The following AGPAT4 variants were observed in gnomAD, a reference collection of about 807,000 sequenced individuals.
The protein encoded by AGPAT4 is 1-acyl-sn-glycerol-3-phosphate acyltransferase delta.
AGPAT4 carries 15 observed loss-of-function variants against 48.0 expected under a neutral mutation model. The observed-to-expected ratio is 0.31, with a 90% CI of 0.21 to 0.48. The LOEUF (loss-of-function observed/expected upper bound fraction) is 0.48, where lower values mean the gene tolerates loss of function less well. Ranked by LOEUF, AGPAT4 falls within the 20% of genes least tolerant of loss-of-function variation. AGPAT4 has a pLI of 0.99. For synonymous variants in AGPAT4, 178 were observed against 198.7 expected, an observed-to-expected ratio of 0.90 and a Z score of 0.88; for missense variants, 314 against 482.5, an observed-to-expected ratio of 0.65 and a Z score of 3.27.
rs1250699825 is a variant in AGPAT4, at chr6:161,171,882, A to G, written c.179-5465T>C. Among the ~76,000 whole-genome samples, 4 of 152,200 alleles carry G rather than the reference A, an allele frequency of 2.6e-5. No homozygotes were observed. In the East Asian group the frequency reaches 7.7e-4, roughly 29 times the overall value. ...ACCACTGCACTCCAGCCTGGGTGAC[A>G]GAGCAAGACTCCATCTCAAAAACAA... is the stretch of plus-strand genomic sequence containing the variant. On this transcript the variant is annotated intron_variant, in intron 2 of 8. Coordinates refer to ENST00000320285, the MANE Select transcript of AGPAT4 (RefSeq NM_020133.3). The surrounding 1 kb of genome is among the most constrained non-coding windows in gnomAD (Gnocchi z 4.4).
intron 1 of AGPAT4, among the ~76,000 whole-genome samples, chr6:161,241,263 C>CAAAAAAAA (rs61634719): frequency 1.1e-5 from 1 of 90,500 alleles, no homozygotes; most frequent in African/African-American, 3.9e-5. Context: ...AACTCTGTCT[C>CAAAAAAAA]AAAAAAAAAA....
In AGPAT4 at chr6:161,178,871, A is replaced by C. The variant is rs983594814; in HGVS notation, c.179-12454T>G. 6.6e-6 allele frequency among the ~76,000 whole-genome samples: 1 copy of C among 152,234 alleles called. No homozygotes were observed. Among genetic ancestry groups the C allele is most frequent in the East Asian group, 1.9e-4 (1 of 5,198 alleles). ...AGTGAATGCCATCTCTCTACAAAGC[A>C]GTCACATTCGGATTCTGCTCTTGCA... On this transcript the variant is annotated intron_variant, in intron 2 of 8. Coordinates refer to ENST00000320285, the MANE Select transcript of AGPAT4 (RefSeq NM_020133.3). The surrounding 1 kb of genome is among the most constrained non-coding windows in gnomAD (Gnocchi z 5.1).
rs1362009175 is a variant in AGPAT4, at chr6:161,177,907, TG to T, written c.179-11491del. 1.1e-4 allele frequency among the ~76,000 whole-genome samples: 17 copies of T among 152,226 alleles called. No homozygotes were observed. Among genetic ancestry groups the T allele is most frequent in the African/African-American group, 3.9e-4 (16 of 41,456 alleles). On this transcript the variant is annotated intron_variant, in intron 2 of 8. Transcript: ENST00000320285. This position sits in a 1 kb window ranked among gnomAD's most constrained non-coding sequence, Gnocchi z 5.0. Reference sequence around the variant, plus strand: ...CAGCTGCAGGTCTGTTGGAGTTTGCTGGAAGTCCACTCCAGTCCTGTTTATC... The same window carrying T: ...CAGCTGCAGGTCTGTTGGAGTTTGCTGAAGTCCACTCCAGTCCTGTTTATC...
chr6:161,139,441 G>T lies in AGPAT4; in HGVS notation c.1023C>A (p.Phe341Leu), dbSNP rs763397162. 1.4e-5 allele frequency: 23 copies of T among 1,613,962 alleles called. No homozygotes were observed. Among genetic ancestry groups the T allele is most frequent in the Non-Finnish European group, 1.9e-5 (22 of 1,179,976 alleles). ...ACTCACCCACAAAGAAGACGAGGAT[G>T]AAGCTGGCCAGCGTCAGGGAAGACC... Reference protein sequence around the residue: ...RSGSSLTLASFILVFFVASVG... With the variant: ...RSGSSLTLASLILVFFVASVG... Residue 341 changes from phenylalanine (F) to leucine (L), a missense_variant, in exon 8 of 9, where the codon TTC (phenylalanine) becomes TTA (leucine). Coordinates refer to ENST00000320285, the MANE Select transcript of AGPAT4 (RefSeq NM_020133.3). The surrounding 1 kb of genome is among the most constrained non-coding windows in gnomAD (Gnocchi z 9.1).
At position 161,139,397 on chromosome 6, in the gene AGPAT4, C is replaced by T. The variant is rs995060745; in HGVS notation, c.1042+25G>A. The T allele has an allele frequency of 5.0e-6, 8 of 1,612,250 alleles. No individual in the cohort carries two copies. Among genetic ancestry groups the T allele is most frequent in the Non-Finnish European group, 6.8e-6 (8 of 1,178,792 alleles). On this transcript the variant is annotated intron_variant, in intron 8 of 8. Coordinates refer to ENST00000320285, the MANE Select transcript of AGPAT4 (RefSeq NM_020133.3). The surrounding 1 kb of genome is among the most constrained non-coding windows in gnomAD (Gnocchi z 9.1). ...CTCCCAGGGTGGTGCTGTCAGCACC[C>T]ACCAGCCCCTTGCCCTCCACTCACC...
rs924453836 is a variant in AGPAT4 at position 161,244,048 on chromosome 6, C to T, written c.-89-11746G>A. On this transcript the variant is annotated intron_variant, in intron 1 of 8. Coordinates refer to ENST00000320285, the MANE Select transcript of AGPAT4 (RefSeq NM_020133.3). This position sits in a 1 kb window ranked among gnomAD's most constrained non-coding sequence, Gnocchi z 4.7. ...TCATTGAAGAAATGAGTTGAATACTCGATGTAGGCCTTGTTTCCACCTTGT... is the reference window on the plus strand; with the variant it reads ...TCATTGAAGAAATGAGTTGAATACTTGATGTAGGCCTTGTTTCCACCTTGT... Among the ~76,000 whole-genome samples, 6 of 152,194 alleles carry T rather than the reference C, an allele frequency of 3.9e-5. No individual in the cohort carries two copies. The highest frequency in any genetic ancestry group is 9.7e-5 in the African/African-American group (4 of 41,438).
rs1211038051 is a variant in AGPAT4 at position 161,262,994 on chromosome 6, C to T, written c.-90+10944G>A. 1.3e-5 allele frequency among the ~76,000 whole-genome samples: 2 copies of T among 152,058 alleles called. No individual in the cohort carries two copies. The highest frequency in any genetic ancestry group is 1.3e-4 in the Admixed American group (2 of 15,266). ...GAAAGCGAGGGAAGGCCCACCAAGG[C>T]GAGTGACCAGAGGCAGAAGAGACAG... On this transcript the variant is annotated intron_variant, in intron 1 of 8. Coordinates refer to ENST00000320285, the MANE Select transcript of AGPAT4 (RefSeq NM_020133.3). The surrounding 1 kb of genome is among the most constrained non-coding windows in gnomAD (Gnocchi z 4.9).
At chr6:161,168,242 T>C (rs1017145215) in intron 2 of AGPAT4, among the ~76,000 whole-genome samples, 14 of 152,142 alleles carry the variant, frequency 9.2e-5, no homozygotes, top group African/African-American at 3.1e-4. Flanking sequence ...GGCTGAGTTT[T>C]TCCAAGCCCG....
intron 1 of AGPAT4, among the ~76,000 whole-genome samples, chr6:161,248,006 AAG>A: frequency 6.6e-6 from 1 of 150,616 alleles, no homozygotes; most frequent in Non-Finnish European, 1.5e-5. Context: ...AAAAAAAAAA[AAG>A]TCCTGGCCAC....
rs56226316 is a variant in AGPAT4, at chr6:161,233,109, CCACACACACACA to C, written c.-89-819_-89-808del. ...AGACACATAGACACACACACAAACACCACACACACACACACACACACACACACACACACACAG... is the reference window on the plus strand; with the variant it reads ...AGACACATAGACACACACACAAACACCACACACACACACACACACACACAG... On this transcript the variant is annotated intron_variant, in intron 1 of 8. Coordinates refer to ENST00000320285, the MANE Select transcript of AGPAT4 (RefSeq NM_020133.3). The surrounding 1 kb of genome is among the most constrained non-coding windows in gnomAD (Gnocchi z 5.4). Among the ~76,000 whole-genome samples, 6,105 of 147,382 alleles carry C rather than the reference CCACACACACACA, an allele frequency of 0.041. 136 individuals are homozygous for C. Among genetic ancestry groups the C allele is most frequent in the East Asian group, 0.089 (438 of 4,938 alleles).
At position 161,272,993 on chromosome 6, in the gene AGPAT4, C is replaced by T. The variant is rs796438505; in HGVS notation, c.-90+945G>A. 3.3e-5 allele frequency among the ~76,000 whole-genome samples: 5 copies of T among 152,272 alleles called. No homozygotes were observed. The South Asian group carries it at 1.0e-3, about 32-fold the overall frequency. Reference sequence around the variant, plus strand: ...ATAAGTGCAGATGAGAGCAAAGACCCATCTTTTAAATATTTAAGCTTTTAG... The same window carrying T: ...ATAAGTGCAGATGAGAGCAAAGACCTATCTTTTAAATATTTAAGCTTTTAG... On this transcript the variant is annotated intron_variant, in intron 1 of 8. Transcript: ENST00000320285. The surrounding 1 kb of genome is among the most constrained non-coding windows in gnomAD (Gnocchi z 4.2).
In AGPAT4 at chr6:161,216,356, T is replaced by C. The variant is rs191756578; in HGVS notation, c.178+15680A>G. On this transcript the variant is annotated intron_variant, in intron 2 of 8. Coordinates refer to ENST00000320285, the MANE Select transcript of AGPAT4 (RefSeq NM_020133.3). This position sits in a 1 kb window ranked among gnomAD's most constrained non-coding sequence, Gnocchi z 4.8. ...TCCTCAAGCAAACGTCTGCAACAAGTGCGTCTCTTGTCCAGGATGACAGAC... is the reference window on the plus strand; with the variant it reads ...TCCTCAAGCAAACGTCTGCAACAAGCGCGTCTCTTGTCCAGGATGACAGAC... Among the ~76,000 whole-genome samples the C allele has an allele frequency of 6.2e-4, 95 of 152,302 alleles. 1 individual carries two copies. Among genetic ancestry groups the C allele is most frequent in the Non-Finnish European group, 1.1e-3 (72 of 68,030 alleles).
intron 3 of AGPAT4, chr6:161,160,665 C>T (rs1316572464): frequency 1.3e-5 from 4 of 306,436 alleles, no homozygotes; most frequent in African/African-American, 2.2e-5. Flanking sequence ...CTGATCACTA[C>T]TGGCTCTGCT....
At chr6:161,170,134 T>C (rs1464331049) in intron 2 of AGPAT4, among the ~76,000 whole-genome samples, 1 of 152,206 alleles carries the variant, frequency 6.6e-6, no homozygotes, top group Admixed American at 6.5e-5. Context: ...CCGCTTGTGC[T>C]TGGTGGTTCC....
At position 161,131,204 on chromosome 6, in the gene AGPAT4, C is replaced by G. The variant is rs1230274896; in HGVS notation, c.*5336G>C. 3.9e-6 allele frequency: 1 copy of G among 256,002 alleles called. No individual in the cohort carries two copies. The highest frequency in any genetic ancestry group is 7.9e-6 in the Non-Finnish European group (1 of 126,088). The allele number at this position is 256,002 out of a possible 1,614,324, so 15.9% of individuals were successfully genotyped here. A position where few individuals can be genotyped will look rare whatever the true frequency, so the allele number is the denominator to read the frequency against. ...TGTATGACTCTTACCCAGTGAAAAG[C>G]TTTACTAACACAGCCCTGGGTGCTA... On this transcript the variant is annotated 3_prime_UTR_variant, in exon 9 of 9. Transcript: ENST00000320285.
rs1783110617 is a variant in AGPAT4 at position 161,261,783 on chromosome 6, T to C, written c.-90+12155A>G. 6.6e-6 allele frequency among the ~76,000 whole-genome samples: 1 copy of C among 152,162 alleles called. No homozygotes were observed. Among genetic ancestry groups the C allele is most frequent in the East Asian group, 1.9e-4 (1 of 5,182 alleles). The stretch of plus-strand genomic sequence containing the variant: ...TATTCCTTTTCTCTTTCTTTATGAG[T>C]GGACCTTCGGCTTCTGACTGCATTT... On this transcript the variant is annotated intron_variant, in intron 1 of 8. Coordinates refer to ENST00000320285, the MANE Select transcript of AGPAT4 (RefSeq NM_020133.3). The surrounding 1 kb of genome is among the most constrained non-coding windows in gnomAD (Gnocchi z 5.3).
intron 2 of AGPAT4, among the ~76,000 whole-genome samples, chr6:161,173,035 G>A (rs1487492370): frequency 6.6e-6 from 1 of 152,142 alleles, no homozygotes; most frequent in East Asian, 1.9e-4. Flanking sequence ...TCTTAATCCA[G>A]TCTATCATTG....
rs1199995532 is a variant in AGPAT4, at chr6:161,255,047, A to C, written c.-90+18891T>G. Reference sequence around the variant, plus strand: ...CAGATACGGTTACACAGCCCTTCTGAAGCAAAGATACACTAAGTCTAGACA... The same window carrying C: ...CAGATACGGTTACACAGCCCTTCTGCAGCAAAGATACACTAAGTCTAGACA... On this transcript the variant is annotated intron_variant, in intron 1 of 8. Coordinates refer to ENST00000320285, the MANE Select transcript of AGPAT4 (RefSeq NM_020133.3). This position sits in a 1 kb window ranked among gnomAD's most constrained non-coding sequence, Gnocchi z 4.7. Among the ~76,000 whole-genome samples, 1 of 152,128 alleles carries C rather than the reference A, an allele frequency of 6.6e-6. No individual in the cohort carries two copies. The highest frequency in any genetic ancestry group is 1.5e-5 in the Non-Finnish European group (1 of 68,040).
In AGPAT4 at chr6:161,195,906, C is replaced by T. The variant is rs1011367658; in HGVS notation, c.179-29489G>A. Reference sequence around the variant, plus strand: ...CTTGAATGTGAATGTTCTCAAGGTCCGCTCCGATCCTATCTTTTCCCAAAG... The same window carrying T: ...CTTGAATGTGAATGTTCTCAAGGTCTGCTCCGATCCTATCTTTTCCCAAAG... On this transcript the variant is annotated intron_variant, in intron 2 of 8. Coordinates refer to ENST00000320285, the MANE Select transcript of AGPAT4 (RefSeq NM_020133.3). The surrounding 1 kb of genome is among the most constrained non-coding windows in gnomAD (Gnocchi z 5.0). Among the ~76,000 whole-genome samples, 4 of 152,132 alleles carry T rather than the reference C, an allele frequency of 2.6e-5. No individual in the cohort carries two copies. Among genetic ancestry groups the T allele is most frequent in the Non-Finnish European group, 4.4e-5 (3 of 68,036 alleles).
Sources: allele counts gnomAD v4.1 joint callset (sites outside exome capture counted in the v4.1 genomes callset), GRCh38; gene constraint gnomAD v4.1.1; non-coding constraint Gnocchi (gnomAD v3.1); transcripts MANE v1.5; gene names NCBI Gene and HGNC (gene_info 2026-07-23, HGNC 2026-07-21).